The following TMEM278 variants were observed in gnomAD, a reference collection of about 807,000 sequenced individuals.
The protein encoded by TMEM278 is transmembrane protein 88B.
the TMEM278 span, chr1:1,427,852 G>A: frequency 7.6e-7 from 1 of 1,309,402 alleles, no homozygotes. Context: ...CGCGTGGCCC[G>A]GCCCGGAAAA....
At chr1:1,426,416 G>A in the TMEM278 span, 1 of 1,350,454 alleles carries the variant, frequency 7.4e-7, no homozygotes, top group Non-Finnish European at 9.5e-7. Context: ...CGGGGGACTA[G>A]CTGGGGTCCT....
the TMEM278 span, chr1:1,427,612 C>G: frequency 3.8e-6 from 5 of 1,319,374 alleles, no homozygotes; most frequent in Admixed American, 6.1e-5. Context: ...GGCTCCGCGG[C>G]GCTCATCGTG....
the TMEM278 span, chr1:1,426,439 T>G: frequency 3.8e-6 from 5 of 1,307,256 alleles, no homozygotes; most frequent in Non-Finnish European, 4.9e-6. Context: ...GGAGTGGGCG[T>G]GCCCTGGGTC....
the TMEM278 span, among the ~76,000 whole-genome samples, chr1:1,427,018 CCCCTCTCCCCG>C: frequency 8.0e-5 from 12 of 149,144 alleles, no homozygotes. Context: ...CCCGCCCCCT[CCCCTCTCCCCG>C]CCCTGCCTCT....
At chr1:1,426,504 C>T in the TMEM278 span, 2 of 826,794 alleles carry the variant, frequency 2.4e-6, no homozygotes, top group Middle Eastern at 4.0e-4. Context: ...GACACGTGTG[C>T]CCCTCCCTGG....
At chr1:1,426,402 T>G in the TMEM278 span, 2 of 1,357,952 alleles carry the variant, frequency 1.5e-6, no homozygotes, top group African/African-American at 3.1e-5. Flanking sequence ...CTGTGCCCCG[T>G]GGGCGGGGGA....
chr1:1,426,103 G>T, the TMEM278 span: 1 of 1,371,978 alleles, frequency 7.3e-7, no homozygotes, highest in Non-Finnish European at 9.5e-7. Flanking sequence ...CACCGCCCGG[G>T]CCACAGGCCT....
the TMEM278 span, among the ~76,000 whole-genome samples, chr1:1,427,045 G>A: frequency 5.5e-5 from 5 of 90,672 alleles, no homozygotes; most frequent in Admixed American, 1.4e-4. Context: ...CCTCTCCTTC[G>A]CCCAGGCCCT....
At chr1:1,428,338 C>T in the TMEM278 span, among the ~76,000 whole-genome samples, 1 of 151,988 alleles carries the variant, frequency 6.6e-6, no homozygotes, top group Non-Finnish European at 1.5e-5. Flanking sequence ...CACCCACGCT[C>T]GGCCAAGCCC....
chr1:1,427,059 C>T, the TMEM278 span, among the ~76,000 whole-genome samples: 7 of 138,602 alleles, frequency 5.1e-5, no homozygotes, highest in African/African-American at 8.0e-5. Flanking sequence ...AGGCCCTAAT[C>T]CTTCATCCCT....
chr1:1,427,289 G>A, the TMEM278 span, among the ~76,000 whole-genome samples: 10 of 78,102 alleles, frequency 1.3e-4, no homozygotes, highest in Admixed American at 1.2e-3. Context: ...GGCCCTCACC[G>A]CCCCTTCATC....
At chr1:1,428,428 G>A in the TMEM278 span, among the ~76,000 whole-genome samples, 4 of 152,090 alleles carry the variant, frequency 2.6e-5, no homozygotes, top group African/African-American at 9.7e-5. Context: ...GCCAGCCTCG[G>A]TCGGCTCTCT....
the TMEM278 span, chr1:1,426,304 C>G: frequency 6.7e-7 from 1 of 1,495,602 alleles, no homozygotes; most frequent in Non-Finnish European, 8.9e-7. Context: ...TGCTGCACCT[C>G]CTGCTGCCCG....
the TMEM278 span, among the ~76,000 whole-genome samples, chr1:1,427,326 C>G: frequency 7.3e-6 from 1 of 137,356 alleles, no homozygotes; most frequent in Admixed American, 7.2e-5. Context: ...ACCCTCTCCT[C>G]CGCGCCTCCC....
chr1:1,426,150 CGGA>C, the TMEM278 span: 288 of 1,405,936 alleles, frequency 2.0e-4, no homozygotes, highest in Admixed American at 4.8e-4. Context: ...GGGAGGGAGA[CGGA>C]GGAGGAGGAG....
the TMEM278 span, chr1:1,427,708 C>A: frequency 7.6e-7 from 1 of 1,324,050 alleles, no homozygotes; most frequent in Non-Finnish European, 9.6e-7. Context: ...CCGCTGCTGC[C>A]TCCGCCCGCT....
the TMEM278 span, among the ~76,000 whole-genome samples, chr1:1,430,000 A>G: frequency 6.6e-6 from 1 of 152,158 alleles, no homozygotes; most frequent in Non-Finnish European, 1.5e-5. Context: ...AGCTGTGACT[A>G]GAGTGCACCA....
the TMEM278 span, chr1:1,426,304 C>T: frequency 1.3e-5 from 19 of 1,495,602 alleles, no homozygotes; most frequent in Non-Finnish European, 1.3e-5. Context: ...TGCTGCACCT[C>T]CTGCTGCCCG....
chr1:1,425,906 G>A, the TMEM278 span, among the ~76,000 whole-genome samples: 10 of 152,280 alleles, frequency 6.6e-5, no homozygotes, highest in Middle Eastern at 3.4e-3. Context: ...GGAGACTGGC[G>A]CTGCTGGAGC....
Sources: gnomAD v4.1 joint callset for allele counts (sites outside exome capture counted in the v4.1 genomes callset) on GRCh38, gnomAD v4.1.1 for gene constraint, MANE v1.5 for transcripts, NCBI Gene and HGNC (gene_info 2026-07-23, HGNC 2026-07-21) for gene names.